DEXI: variants seen among roughly 807,000 people sequenced by gnomAD.
DEXI encodes Dexi homolog.
A neutral mutation model predicts 2.5 loss-of-function variants in DEXI; 2 were observed. The observed-to-expected ratio is 0.81, with a 90% CI of 0.33 to 2.55. The LOEUF is 2.55. Among genes scored for constraint, DEXI ranks in the 30% most tolerant of loss-of-function variants. The pLI is 0.11. For synonymous variants in DEXI, 71 were observed against 68.7 expected, an observed-to-expected ratio of 1.03 and a Z score of -0.17; for missense variants, 108 against 130.3, an observed-to-expected ratio of 0.83 and a Z score of 0.83.
Position 10,940,107 on chromosome 16 carries a change from AG to A in DEXI, c.*149+1461del, listed in dbSNP as rs1314902914. 2 of 152,236 alleles carry A rather than the reference AG, an allele frequency of 1.3e-5. No individual in the cohort carries two copies. The highest frequency in any genetic ancestry group is 2.4e-5 in the African/African-American group (1 of 41,452). 9.4% of individuals were successfully genotyped at this position (152,236 alleles called of 1,614,324 possible). A position where few individuals can be genotyped will look rare whatever the true frequency, so the allele number is the denominator to read the frequency against. ...AATCTCACTGTGAACCCATTAGGAGAGCCCTCTGCCGCCAGCTATGCTGTCA... is the reference window on the plus strand; with the variant it reads ...AATCTCACTGTGAACCCATTAGGAGACCCTCTGCCGCCAGCTATGCTGTCA... On this transcript the variant is annotated intron_variant, in intron 1 of 1. Coordinates refer to ENST00000331808, the MANE Select transcript of DEXI (RefSeq NM_014015.4). The surrounding 1 kb of genome is among the most constrained non-coding windows in gnomAD (Gnocchi z 4.2).
At chr16:10,932,235 C>G (rs1032210772) in intron 1 of DEXI, 1 of 152,262 alleles carries the variant, frequency 6.6e-6, no homozygotes, top group African/African-American at 2.4e-5. Flanking sequence ...GCTCCTGTGT[C>G]TTGCAATGGC....
chr16:10,929,274 G>A lies in DEXI; in HGVS notation c.*435C>T, dbSNP rs932037058. 4 of 985,938 alleles carry A rather than the reference G, an allele frequency of 4.1e-6. No individual in the cohort carries two copies. Among genetic ancestry groups the A allele is most frequent in the Non-Finnish European group, 4.8e-6 (4 of 829,980 alleles). The allele number at this position is 985,938 out of a possible 1,614,324, so 61.1% of individuals were successfully genotyped here. ...GTCCGCAGTTTGAAGTGTCCTCTCC[G>A]AAGGTGAAGTGGGGGAAGCAGGTGC... On this transcript the variant is annotated 3_prime_UTR_variant, in exon 2 of 2. Coordinates refer to ENST00000331808, the MANE Select transcript of DEXI (RefSeq NM_014015.4). The surrounding 1 kb of genome is among the most constrained non-coding windows in gnomAD (Gnocchi z 4.3).
chr16:10,935,988 AT>A (rs36044639), intron 1 of DEXI: 3,961 of 145,816 alleles, frequency 0.027, 135 homozygotes, highest in African/African-American at 0.093. Context: ...TACTGGGACA[AT>A]TTTTTTTTTT....
In DEXI at chr16:10,941,898, G is replaced by A. The variant is rs2041107695; in HGVS notation, c.108C>T (p.Val36=). 1 of 1,609,630 alleles carries A rather than the reference G, an allele frequency of 6.2e-7. No individual in the cohort carries two copies. Among genetic ancestry groups the A allele is most frequent in the Admixed American group, 1.7e-5 (1 of 59,592 alleles). ...PSMFYVGLFF[V]NVLILYYAFL... ...AGGCGTAGTACAGGATCAGCACATT[G>A]ACGAAGAACAGGCCCACGTAGAACA... Residue 36 remains valine (V), a synonymous_variant, in exon 1 of 2, where the codon GTC becomes GTT. Coordinates refer to ENST00000331808, the MANE Select transcript of DEXI (RefSeq NM_014015.4). This position sits in a 1 kb window ranked among gnomAD's most constrained non-coding sequence, Gnocchi z 6.4.
rs747276966 is a variant in DEXI at position 10,941,712 on chromosome 16, G to A, written c.*6C>T. 5 of 1,602,370 alleles carry A rather than the reference G, an allele frequency of 3.1e-6. No homozygotes were observed. Among genetic ancestry groups the A allele is most frequent in the African/African-American group, 1.3e-5 (1 of 74,608 alleles). On this transcript the variant is annotated 3_prime_UTR_variant, in exon 1 of 2. Transcript: ENST00000331808. The surrounding 1 kb of genome is among the most constrained non-coding windows in gnomAD (Gnocchi z 6.4). Reference sequence around the variant, plus strand: ...TGTAGGGAAGAGGGGAACAGCAGTCGAGACCCTACTCCAAGTACGCATCAA... The same window carrying A: ...TGTAGGGAAGAGGGGAACAGCAGTCAAGACCCTACTCCAAGTACGCATCAA...
In DEXI at chr16:10,937,798, G is replaced by A. The variant is rs972961035; in HGVS notation, c.*149+3771C>T. The A allele has an allele frequency of 6.6e-6, 1 of 152,224 alleles. No homozygotes were observed. Among genetic ancestry groups the A allele is most frequent in the African/African-American group, 2.4e-5 (1 of 41,448 alleles). 9.4% of individuals were successfully genotyped at this position (152,224 alleles called of 1,614,324 possible). ...GGGAGCTCCCGATTCCCCATTCCCT[G>A]CTCCTGGGCAACAATTAACACTCTA... On this transcript the variant is annotated intron_variant, in intron 1 of 1. Transcript: ENST00000331808. The surrounding 1 kb of genome is among the most constrained non-coding windows in gnomAD (Gnocchi z 4.2).
chr16:10,936,236 C>T (rs563805144), intron 1 of DEXI: 3 of 152,078 alleles, frequency 2.0e-5, no homozygotes, highest in Non-Finnish European at 2.9e-5. Flanking sequence ...GATCCTTCCA[C>T]CTCAGCCTCT....
Position 10,929,424 on chromosome 16 carries a change from G to C in DEXI, c.*285C>G, listed in dbSNP as rs921222097. The stretch of plus-strand genomic sequence containing the variant: ...GACACTGCAGGCAGATGAGGTCTTG[G>C]GATGCCTCTTGCGTTCCCCCTTCTG... On this transcript the variant is annotated 3_prime_UTR_variant, in exon 2 of 2. Transcript: ENST00000331808. The surrounding 1 kb of genome is among the most constrained non-coding windows in gnomAD (Gnocchi z 4.3). 2 of 985,854 alleles carry C rather than the reference G, an allele frequency of 2.0e-6. No individual in the cohort carries two copies. The highest frequency in any genetic ancestry group is 1.7e-5 in the African/African-American group (1 of 57,354). 61.1% of individuals were successfully genotyped at this position (985,854 alleles called of 1,614,324 possible).
rs1357176861 is a variant in DEXI, at chr16:10,937,379, G to C, written c.*149+4190C>G. 1 of 152,388 alleles carries C rather than the reference G, an allele frequency of 6.6e-6. No individual in the cohort carries two copies. The highest frequency in any genetic ancestry group is 1.5e-5 in the Non-Finnish European group (1 of 68,196). 9.4% of individuals were successfully genotyped at this position (152,388 alleles called of 1,614,324 possible). On this transcript the variant is annotated intron_variant, in intron 1 of 1. Transcript: ENST00000331808. The surrounding 1 kb of genome is among the most constrained non-coding windows in gnomAD (Gnocchi z 4.2). ...TGGAAGGTTTGGGTTTCTGACCTGG[G>C]CAGCTCTATGTCCGGCACAGGGGTT...
intron 1 of DEXI, chr16:10,932,224 C>A (rs575386827): frequency 1.3e-5 from 2 of 152,252 alleles, no homozygotes; most frequent in Admixed American, 1.3e-4. Context: ...TCAACCCCTT[C>A]GCTCCTGTGT....
chr16:10,929,633 C>G lies in DEXI; in HGVS notation c.*150-74G>C. The G allele has an allele frequency of 1.1e-6, 1 of 917,738 alleles. No individual in the cohort carries two copies. The highest frequency in any genetic ancestry group is 1.2e-4 in the East Asian group (1 of 8,492). The allele number at this position is 917,738 out of a possible 1,614,324, so 56.8% of individuals were successfully genotyped here. A position where few individuals can be genotyped will look rare whatever the true frequency, so the allele number is the denominator to read the frequency against. ...CCACCAGGTTGGCTGGGGACAGGGA[C>G]CAATCCACCAGGCTCGGGAGGCTTG... On this transcript the variant is annotated intron_variant, in intron 1 of 1. Transcript: ENST00000331808. This position sits in a 1 kb window ranked among gnomAD's most constrained non-coding sequence, Gnocchi z 4.3.
At position 10,934,779 on chromosome 16, in the gene DEXI, G is replaced by C. The variant is rs1332808657; in HGVS notation, c.*150-5220C>G. 3.3e-5 allele frequency: 5 copies of C among 152,282 alleles called. No individual in the cohort carries two copies. Among genetic ancestry groups the C allele is most frequent in the African/African-American group, 1.2e-4 (5 of 41,568 alleles). 9.4% of individuals were successfully genotyped at this position (152,282 alleles called of 1,614,324 possible). A position where few individuals can be genotyped will look rare whatever the true frequency, so the allele number is the denominator to read the frequency against. Reference sequence around the variant, plus strand: ...CTCCCAGAAATGAAGCCTTACCCTTGAGGGAGTTCCCCGCCACTCCAAGCT... The same window carrying C: ...CTCCCAGAAATGAAGCCTTACCCTTCAGGGAGTTCCCCGCCACTCCAAGCT... On this transcript the variant is annotated intron_variant, in intron 1 of 1. Transcript: ENST00000331808. The surrounding 1 kb of genome is among the most constrained non-coding windows in gnomAD (Gnocchi z 4.2).
At chr16:10,930,088 C>G (rs1218928533) in intron 1 of DEXI, 1 of 152,384 alleles carries the variant, frequency 6.6e-6, no homozygotes, top group Admixed American at 6.5e-5. Flanking sequence ...TGGCCTGGCC[C>G]CCTGGCACGT....
chr16:10,936,563 G>C (rs1249820923), intron 1 of DEXI: 2 of 152,222 alleles, frequency 1.3e-5, no homozygotes, highest in African/African-American at 2.4e-5. Context: ...TTGTGCTCTT[G>C]CAACTTTTCT....
rs1455497518 is a variant in DEXI, at chr16:10,937,642, A to G, written c.*149+3927T>C. On this transcript the variant is annotated intron_variant, in intron 1 of 1. Transcript: ENST00000331808. This position sits in a 1 kb window ranked among gnomAD's most constrained non-coding sequence, Gnocchi z 4.2. ...TGCCAAGAGAGGGCTGGCAGGTACC[A>G]GCAGCTTTCACTTTCATTAGGAACC... 1 of 152,246 alleles carries G rather than the reference A, an allele frequency of 6.6e-6. No homozygotes were observed. The highest frequency in any genetic ancestry group is 1.5e-5 in the Non-Finnish European group (1 of 68,064). The allele number at this position is 152,246 out of a possible 1,614,324, so 9.4% of individuals were successfully genotyped here.
intron 1 of DEXI, chr16:10,936,092 G>C (rs2041012370): frequency 6.6e-6 from 1 of 151,804 alleles, no homozygotes; most frequent in Non-Finnish European, 1.5e-5. Flanking sequence ...CCGGACTCAA[G>C]CAATCCTCCT....
At position 10,938,846 on chromosome 16, in the gene DEXI, G is replaced by C. The variant is rs1250533910; in HGVS notation, c.*149+2723C>G. On this transcript the variant is annotated intron_variant, in intron 1 of 1. Transcript: ENST00000331808. The surrounding 1 kb of genome is among the most constrained non-coding windows in gnomAD (Gnocchi z 4.9). ...TGGTGTTTCTGCTTAAACAGCGTTTGCTGCAAAATATGTCGAAGCATTTGG... is the reference window on the plus strand; with the variant it reads ...TGGTGTTTCTGCTTAAACAGCGTTTCCTGCAAAATATGTCGAAGCATTTGG... 1.3e-5 allele frequency: 2 copies of C among 152,216 alleles called. No homozygotes were observed. Among genetic ancestry groups the C allele is most frequent in the African/African-American group, 4.8e-5 (2 of 41,444 alleles). 9.4% of individuals were successfully genotyped at this position (152,216 alleles called of 1,614,324 possible). A position where few individuals can be genotyped will look rare whatever the true frequency, so the allele number is the denominator to read the frequency against.
intron 1 of DEXI, chr16:10,936,593 A>C (rs1437821721): frequency 2.0e-5 from 3 of 152,256 alleles, no homozygotes; most frequent in South Asian, 2.1e-4. Context: ...AAATTACTTC[A>C]TAACAGAGGT....
rs895810595 is a variant in DEXI at position 10,941,338 on chromosome 16, T to C, written c.*149+231A>G. On this transcript the variant is annotated intron_variant, in intron 1 of 1. Coordinates refer to ENST00000331808, the MANE Select transcript of DEXI (RefSeq NM_014015.4). This position sits in a 1 kb window ranked among gnomAD's most constrained non-coding sequence, Gnocchi z 6.4. The stretch of plus-strand genomic sequence containing the variant: ...TCACAGAGCTACCCCAAATGTAACT[T>C]AGTCTCGGGGTCTCCTTCCTTTTCA... 3 of 197,282 alleles carry C rather than the reference T, an allele frequency of 1.5e-5. No individual in the cohort carries two copies. The highest frequency in any genetic ancestry group is 3.0e-5 in the Non-Finnish European group (3 of 100,912). 12.2% of individuals were successfully genotyped at this position (197,282 alleles called of 1,614,324 possible). A position where few individuals can be genotyped will look rare whatever the true frequency, so the allele number is the denominator to read the frequency against.
Sources: allele counts gnomAD v4.1 joint callset, GRCh38; gene constraint gnomAD v4.1.1; non-coding constraint Gnocchi (gnomAD v3.1); transcripts MANE v1.5; gene names NCBI Gene and HGNC (gene_info 2026-07-23, HGNC 2026-07-21).